The following PRKAR1B variants were observed in gnomAD, a reference collection of about 807,000 sequenced individuals.
PRKAR1B encodes the protein cAMP-dependent protein kinase type I-beta regulatory subunit.
Under a neutral mutation model 46.5 loss-of-function variants are expected in PRKAR1B, and 22 were observed. That is an observed-to-expected ratio of 0.47 (90% CI 0.34 to 0.68). The LOEUF is 0.68. Ranked by LOEUF, PRKAR1B falls within the 30% of genes least tolerant of loss-of-function variation. PRKAR1B has a pLI of 0.01. For synonymous variants in PRKAR1B, 259 were observed against 217.7 expected (o/e 1.19, Z -1.67); for missense variants, 445 against 535.6 (o/e 0.83, Z 1.67).
intron 4 of PRKAR1B, among the ~76,000 whole-genome samples, chr7:623,225 T>A (rs972616428): frequency 6.6e-6 from 1 of 152,230 alleles, no homozygotes; most frequent in Non-Finnish European, 1.5e-5. Context: ...CCTGGCATCA[T>A]GGAAAGCAGA....
chr7:582,256 G>C (rs1265581774), intron 8 of PRKAR1B, among the ~76,000 whole-genome samples: 4 of 152,244 alleles, frequency 2.6e-5, no homozygotes, highest in Admixed American at 2.0e-4. Flanking sequence ...TCCTGTCCTA[G>C]GGGCCGAGCC....
intron 7 of PRKAR1B, among the ~76,000 whole-genome samples, chr7:592,417 C>G (rs1039622159): frequency 6.6e-6 from 1 of 152,154 alleles, no homozygotes; most frequent in Non-Finnish European, 1.5e-5. Flanking sequence ...GACACTGGTC[C>G]CCTCCTGGCC....
At chr7:630,216 G>A (rs1783656012) in intron 4 of PRKAR1B, among the ~76,000 whole-genome samples, 1 of 152,230 alleles carries the variant, frequency 6.6e-6, no homozygotes, top group African/African-American at 2.4e-5. Context: ...GTGTGGAGGG[G>A]GCTGGGCCAG....
intron 4 of PRKAR1B, among the ~76,000 whole-genome samples, chr7:672,131 G>A (rs1266973821): frequency 1.3e-5 from 2 of 151,870 alleles, no homozygotes; most frequent in African/African-American, 2.4e-5. Flanking sequence ...AGTATTTGTC[G>A]TCTTAAATTC....
chr7:692,520 T>C (rs1779492020), intron 2 of PRKAR1B, among the ~76,000 whole-genome samples: 1 of 152,018 alleles, frequency 6.6e-6, no homozygotes, highest in South Asian at 2.1e-4. Flanking sequence ...TCTGGGCCTT[T>C]GTAGAAATTA....
At chr7:559,474 G>A (rs1170230441) in intron 9 of PRKAR1B, among the ~76,000 whole-genome samples, 2 of 152,214 alleles carry the variant, frequency 1.3e-5, no homozygotes, top group Admixed American at 6.5e-5. Flanking sequence ...ATGCCCGGCA[G>A]GAGCCCCGAG....
intron 4 of PRKAR1B, among the ~76,000 whole-genome samples, chr7:663,074 T>TCCCGCCCA (rs143249542): frequency 0.13 from 19,191 of 151,850 alleles, 1,323 homozygotes; most frequent in South Asian, 0.25. Context: ...GCCTGGAAAA[T>TCCCGCCCA]CCCTTGTGGA....
intron 9 of PRKAR1B, among the ~76,000 whole-genome samples, chr7:552,619 G>A (rs544241766): frequency 4.6e-5 from 7 of 151,666 alleles, no homozygotes; most frequent in Non-Finnish European, 8.8e-5. Flanking sequence ...ACCACCGTCC[G>A]GCCTGGCCCA....
chr7:651,250 G>A (rs1056801913), intron 4 of PRKAR1B, among the ~76,000 whole-genome samples: 1 of 152,220 alleles, frequency 6.6e-6, no homozygotes. Flanking sequence ...GTGATTGCAA[G>A]GGGCAAACCA....
At chr7:583,280 A>C (rs1373746664) in intron 8 of PRKAR1B, among the ~76,000 whole-genome samples, 1 of 152,148 alleles carries the variant, frequency 6.6e-6, no homozygotes, top group Non-Finnish European at 1.5e-5. Context: ...AGGATTTCAG[A>C]GAGAACAGGG....
chr7:600,786 G>A (rs745445288), intron 6 of PRKAR1B, among the ~76,000 whole-genome samples: 2 of 152,198 alleles, frequency 1.3e-5, no homozygotes, highest in Non-Finnish European at 2.9e-5. Flanking sequence ...CCCCAAACAG[G>A]GCTTGGAAGG....
intron 2 of PRKAR1B, among the ~76,000 whole-genome samples, chr7:697,484 G>A (rs1226924759): frequency 2.0e-5 from 3 of 152,146 alleles, no homozygotes; most frequent in Non-Finnish European, 4.4e-5. Context: ...GCTTCCACGG[G>A]GTCATCCACT....
intron 4 of PRKAR1B, among the ~76,000 whole-genome samples, chr7:675,409 G>A (rs1331568271): frequency 1.3e-5 from 2 of 152,200 alleles, no homozygotes; most frequent in Non-Finnish European, 2.9e-5. Context: ...GGGAGGGGGA[G>A]AAAAAGACAC....
intron 6 of PRKAR1B, among the ~76,000 whole-genome samples, chr7:605,501 T>C (rs1781973437): frequency 6.6e-6 from 1 of 152,228 alleles, no homozygotes; most frequent in South Asian, 2.1e-4. Flanking sequence ...GGTGATGTCA[T>C]GTGCCGTGTG....
rs377476058 is a variant in PRKAR1B, at chr7:711,508, C to A, written c.-3G>T. On this transcript the variant is annotated 5_prime_UTR_variant, in exon 2 of 11. Transcript: ENST00000537384. ...GGGCAGGCGGGCGGGGAGGCCATGG[C>A]GAGGGTGGCTGCTTCCTTCCTGTCC... 3 of 1,612,402 alleles carry A rather than the reference C, an allele frequency of 1.9e-6. No individual in the cohort carries two copies. Among genetic ancestry groups the A allele is most frequent in the Non-Finnish European group, 2.5e-6 (3 of 1,179,280 alleles).
At chr7:595,906 A>C (rs1302812814) in intron 7 of PRKAR1B, among the ~76,000 whole-genome samples, 1 of 152,162 alleles carries the variant, frequency 6.6e-6, no homozygotes, top group Non-Finnish European at 1.5e-5. Context: ...TCACAACCAC[A>C]GTCCAGACAG....
intron 7 of PRKAR1B, among the ~76,000 whole-genome samples, chr7:587,161 G>A (rs1365012218): frequency 6.6e-6 from 1 of 152,184 alleles, no homozygotes; most frequent in African/African-American, 2.4e-5. Flanking sequence ...GAGATGGACT[G>A]GACAGGAGAA....
At chr7:686,838 G>A (rs1235309955) in intron 2 of PRKAR1B, among the ~76,000 whole-genome samples, 4 of 152,132 alleles carry the variant, frequency 2.6e-5, no homozygotes, top group Non-Finnish European at 1.5e-5. Flanking sequence ...CCGAGAAGCT[G>A]ACAGGCTGAG....
intron 7 of PRKAR1B, among the ~76,000 whole-genome samples, chr7:585,353 G>T (rs145533213): frequency 6.6e-6 from 1 of 152,056 alleles, no homozygotes; most frequent in African/African-American, 2.4e-5. Context: ...TACAGTGCAC[G>T]AACTCCACAA....
Sources: gnomAD v4.1 joint callset for allele counts (sites outside exome capture counted in the v4.1 genomes callset) on GRCh38, gnomAD v4.1.1 for gene constraint, MANE v1.5 for transcripts, NCBI Gene and HGNC (gene_info 2026-07-23, HGNC 2026-07-21) for gene names.